The following IMMP2L variants were observed in gnomAD, a reference collection of about 807,000 sequenced individuals.
IMMP2L encodes the protein mitochondrial inner membrane protease subunit 2.
A neutral mutation model predicts 19.3 loss-of-function variants in IMMP2L; 18 were observed. That is an observed-to-expected ratio of 0.93 (90% confidence interval 0.64 to 1.38). The LOEUF (loss-of-function observed/expected upper bound fraction) is 1.38, where lower values mean the gene tolerates loss of function less well. Among genes scored for constraint, IMMP2L ranks in the 40% most tolerant of loss-of-function variants. The pLI is 0.00. For missense variants in IMMP2L, 233 were observed against 218.2 expected (o/e 1.07, Z -0.43); for synonymous variants, 76 against 73.0 (o/e 1.04, Z -0.21).
At chr7:110,859,444 A>G (rs1392776164) in intron 5 of IMMP2L, among the ~76,000 whole-genome samples, 1 of 151,844 alleles carries the variant, frequency 6.6e-6, no homozygotes, top group Non-Finnish European at 1.5e-5. Flanking sequence ...TTTTTTGTTA[A>G]ATAAAAATCT....
Position 111,445,250 on chromosome 7 carries a change from G to A in IMMP2L, c.239+41988C>T, listed in dbSNP as rs567476388. On this transcript the variant is annotated intron_variant, in intron 3 of 5. Transcript: ENST00000405709. Reference sequence around the variant, plus strand: ...ACATTGTTTTGGGCAGACAAACTGTGGGGAGCCAAAAAAAAATGAAATCTC... The same window carrying A: ...ACATTGTTTTGGGCAGACAAACTGTAGGGAGCCAAAAAAAAATGAAATCTC... Among the ~76,000 whole-genome samples the A allele has an allele frequency of 9.2e-5, 14 of 151,910 alleles. No individual in the cohort carries two copies. In the South Asian group the frequency reaches 1.5e-3, roughly 16 times the overall value.
At chr7:111,350,091 C>T (rs980551435) in intron 3 of IMMP2L, among the ~76,000 whole-genome samples, 5 of 151,798 alleles carry the variant, frequency 3.3e-5, no homozygotes, top group African/African-American at 1.2e-4. Flanking sequence ...CCTCACCCTC[C>T]CAAGTAGCTT....
intron 3 of IMMP2L, among the ~76,000 whole-genome samples, chr7:111,167,677 A>T (rs1432492776): frequency 6.6e-6 from 1 of 151,940 alleles, no homozygotes; most frequent in Non-Finnish European, 1.5e-5. Flanking sequence ...AGAATCAAGT[A>T]TTAGGCTTAC....
At chr7:111,491,217 T>C (rs908239621) in intron 2 of IMMP2L, among the ~76,000 whole-genome samples, 12 of 152,180 alleles carry the variant, frequency 7.9e-5, no homozygotes, top group Admixed American at 7.2e-4. Flanking sequence ...ATATAATACA[T>C]ATAGCATATA....
rs553193999 is a variant in IMMP2L at position 111,485,464 on chromosome 7, GGT to G, written c.239+1772_239+1773del. On this transcript the variant is annotated intron_variant, in intron 3 of 5. Transcript: ENST00000405709. ...ATACAAAAAATTAGCTGGGCGTGGT[GGT>G]GGGCCCCTGTAGTCCCAACTACTCA... Among the ~76,000 whole-genome samples the G allele has an allele frequency of 1.3e-4, 20 of 151,916 alleles. No individual in the cohort carries two copies. In the East Asian group the frequency reaches 3.7e-3, roughly 28 times the overall value.
intron 3 of IMMP2L, among the ~76,000 whole-genome samples, chr7:111,356,799 G>A (rs943538914): frequency 2.6e-5 from 4 of 152,134 alleles, no homozygotes; most frequent in Non-Finnish European, 5.9e-5. Flanking sequence ...GGCTGAGGTA[G>A]GCGGATCACC....
intron 3 of IMMP2L, among the ~76,000 whole-genome samples, chr7:110,991,054 C>A (rs779311705): frequency 2.0e-5 from 3 of 152,140 alleles, no homozygotes; most frequent in Non-Finnish European, 4.4e-5. Flanking sequence ...ATGAGTTACA[C>A]TGGATTAGCA....
intron 3 of IMMP2L, among the ~76,000 whole-genome samples, chr7:111,197,244 C>G (rs142613964): frequency 1.3e-5 from 2 of 152,012 alleles, no homozygotes; most frequent in African/African-American, 4.8e-5. Context: ...GGGCGGATCA[C>G]GAGGTCAGGA....
intron 3 of IMMP2L, among the ~76,000 whole-genome samples, chr7:111,459,919 G>C (rs916440118): frequency 6.6e-5 from 10 of 152,230 alleles, no homozygotes; most frequent in African/African-American, 2.2e-4. Flanking sequence ...TTGGCTTTCT[G>C]CTTTGAAATG....
At chr7:111,321,897 C>T (rs1824755698) in intron 3 of IMMP2L, among the ~76,000 whole-genome samples, 1 of 151,892 alleles carries the variant, frequency 6.6e-6, no homozygotes, top group Non-Finnish European at 1.5e-5. Flanking sequence ...TATATTCTTG[C>T]CCTTGTGACT....
chr7:111,089,748 A>G (rs2129577628), intron 3 of IMMP2L, among the ~76,000 whole-genome samples: 1 of 152,124 alleles, frequency 6.6e-6, no homozygotes, highest in Non-Finnish European at 1.5e-5. Flanking sequence ...TTTATCTTGA[A>G]CTTATTTTGA....
At chr7:110,843,837 C>T (rs1236490370) in intron 5 of IMMP2L, among the ~76,000 whole-genome samples, 2 of 152,116 alleles carry the variant, frequency 1.3e-5, no homozygotes, top group African/African-American at 4.8e-5. Context: ...GAAGAATATT[C>T]TGGACTAAGG....
intron 4 of IMMP2L, among the ~76,000 whole-genome samples, chr7:110,926,954 A>G (rs1021979015): frequency 1.3e-5 from 2 of 152,086 alleles, no homozygotes; most frequent in African/African-American, 2.4e-5. Flanking sequence ...AAGTTCTTTG[A>G]CCCTCTTTCA....
chr7:111,071,219 CA>C (rs1794919403), intron 3 of IMMP2L, among the ~76,000 whole-genome samples: 4 of 151,966 alleles, frequency 2.6e-5, no homozygotes, highest in African/African-American at 9.6e-5. Flanking sequence ...CCCACACATA[CA>C]AAAACAAAAA....
At chr7:111,035,973 T>TG (rs1182824130) in intron 3 of IMMP2L, among the ~76,000 whole-genome samples, 1 of 152,136 alleles carries the variant, frequency 6.6e-6, no homozygotes, top group African/African-American at 2.4e-5. Context: ...AAAGTTATTG[T>TG]GAGGATTAGA....
intron 3 of IMMP2L, among the ~76,000 whole-genome samples, chr7:111,273,530 G>T (rs1430096323): frequency 6.6e-6 from 1 of 152,084 alleles, no homozygotes; most frequent in Admixed American, 6.5e-5. Context: ...CAGTTATCCT[G>T]CCATGGGTAT....
chr7:111,179,526 G>A (rs545044198), intron 3 of IMMP2L, among the ~76,000 whole-genome samples: 2 of 152,088 alleles, frequency 1.3e-5, no homozygotes, highest in African/African-American at 4.8e-5. Context: ...TCCAGACTCT[G>A]TTGTTCCCTT....
At position 110,669,101 on chromosome 7, in the gene IMMP2L, A is replaced by G. The variant is rs574234433; in HGVS notation, c.409-5380T>C. On this transcript the variant is annotated intron_variant, in intron 5 of 5. Coordinates refer to ENST00000405709, the MANE Select transcript of IMMP2L (RefSeq NM_032549.4). ...TGTGTGTGTGTGTGTATATGTATAT[A>G]TATATATAGAGAGAGAGAGAGAGAA... is the stretch of plus-strand genomic sequence containing the variant. Among the ~76,000 whole-genome samples, 215 of 144,622 alleles carry G rather than the reference A, an allele frequency of 1.5e-3. 2 individuals carry two copies. Among genetic ancestry groups the G allele is most frequent in the African/African-American group, 5.8e-3 (206 of 35,436 alleles). The allele number at this position is 144,622 out of a possible 152,430, so 94.9% of individuals were successfully genotyped here.
At chr7:111,283,039 G>A (rs1334852412) in intron 3 of IMMP2L, among the ~76,000 whole-genome samples, 1 of 152,102 alleles carries the variant, frequency 6.6e-6, no homozygotes, top group Non-Finnish European at 1.5e-5. Context: ...TCAAGCACAT[G>A]TGGAACACTG....
Sources: allele counts gnomAD v4.1 joint callset (sites outside exome capture counted in the v4.1 genomes callset), GRCh38; gene constraint gnomAD v4.1.1; transcripts MANE v1.5; gene names NCBI Gene and HGNC (gene_info 2026-07-23, HGNC 2026-07-21).